Variants in FER observed in about 807,000 individuals in gnomAD.
FER encodes the protein tyrosine-protein kinase Fer.
A neutral mutation model predicts 111.0 loss-of-function variants in FER; 63 were observed. That is an observed-to-expected ratio of 0.57 (90% CI 0.46 to 0.70). The LOEUF (loss-of-function observed/expected upper bound fraction) is 0.70, where lower values mean the gene tolerates loss of function less well. Ranked by LOEUF, FER falls within the 30% of genes least tolerant of loss-of-function variation. The pLI, the probability that FER is intolerant of heterozygous loss-of-function variation, is 0.00. For missense variants in FER, 914 were observed against 954.0 expected (o/e 0.96, Z 0.55); for synonymous variants, 327 against 313.9 (o/e 1.04, Z -0.44).
intron 17 of FER, among the ~76,000 whole-genome samples, chr5:109,157,239 C>G: frequency 6.6e-6 from 1 of 152,082 alleles, no homozygotes. Context: ...TCTTTATTAC[C>G]TTCTGAGAGA....
At position 109,070,852 on chromosome 5, in the gene FER, A is replaced by C. The variant is rs1485217061; in HGVS notation, c.1924+23654A>C. Among the ~76,000 whole-genome samples the C allele has an allele frequency of 2.0e-5, 3 of 152,002 alleles. No homozygotes were observed. In the East Asian group the frequency reaches 5.8e-4, roughly 29 times the overall value. On this transcript the variant is annotated intron_variant, in intron 16 of 19. Coordinates refer to ENST00000281092, the MANE Select transcript of FER (RefSeq NM_005246.4). ...GAGGCAATTTGATTATAATTAATGC[A>C]GTCATTTTGTAATACAAACATGATT...
At chr5:108,870,661 A>G (rs1289467123) in intron 6 of FER, among the ~76,000 whole-genome samples, 1 of 152,142 alleles carries the variant, frequency 6.6e-6, no homozygotes, top group Non-Finnish European at 1.5e-5. Flanking sequence ...AAGAAAAACC[A>G]TGCTTTGTAT....
chr5:109,103,708 C>T (rs981382035), intron 17 of FER, among the ~76,000 whole-genome samples: 20 of 152,056 alleles, frequency 1.3e-4, no homozygotes, highest in African/African-American at 4.6e-4. Flanking sequence ...GTTTGAAATA[C>T]ACTGATAAAC....
At chr5:109,114,342 G>C (rs1022004761) in intron 17 of FER, among the ~76,000 whole-genome samples, 1 of 152,042 alleles carries the variant, frequency 6.6e-6, no homozygotes, top group Non-Finnish European at 1.5e-5. Flanking sequence ...TGTTTGAGTA[G>C]AAAGAAGTAA....
intron 14 of FER, among the ~76,000 whole-genome samples, chr5:109,041,727 A>G (rs1411893969): frequency 2.0e-5 from 3 of 152,222 alleles, no homozygotes; most frequent in Non-Finnish European, 4.4e-5. Context: ...CAAATTGCCA[A>G]TAAACAAAAT....
chr5:109,079,862 CCT>C (rs1339511905), intron 16 of FER, among the ~76,000 whole-genome samples: 1 of 152,098 alleles, frequency 6.6e-6, no homozygotes, highest in Admixed American at 6.6e-5. Context: ...CTCTCCTAAT[CCT>C]GACCCCATTT....
At chr5:108,799,831 GTTTTC>G (rs936931331) in intron 3 of FER, among the ~76,000 whole-genome samples, 2 of 146,198 alleles carry the variant, frequency 1.4e-5, no homozygotes, top group African/African-American at 2.5e-5. Flanking sequence ...TATCCCTCTT[GTTTTC>G]TTTTCTTTTC....
intron 10 of FER, among the ~76,000 whole-genome samples, chr5:108,933,085 C>T (rs1754926061): frequency 6.6e-6 from 1 of 152,122 alleles, no homozygotes; most frequent in African/African-American, 2.4e-5. Context: ...TGTGCAAAAG[C>T]TCCTTAGTTT....
chr5:109,160,323 C>T (rs1222197699), intron 17 of FER, among the ~76,000 whole-genome samples: 1 of 152,126 alleles, frequency 6.6e-6, no homozygotes, highest in African/African-American at 2.4e-5. Context: ...TCCTGTCCAC[C>T]AGGAAACCTT....
chr5:109,147,806 G>T lies in FER; in HGVS notation c.2049-32941G>T, dbSNP rs951188786. Among the ~76,000 whole-genome samples, 883 of 125,018 alleles carry T rather than the reference G, an allele frequency of 7.1e-3. 4 individuals carry two copies. Among genetic ancestry groups the T allele is most frequent in the African/African-American group, 0.011 (397 of 37,300 alleles). 82.0% of individuals were successfully genotyped at this position (125,018 alleles called of 152,430 possible). A position where few individuals can be genotyped will look rare whatever the true frequency, so the allele number is the denominator to read the frequency against. On this transcript the variant is annotated intron_variant, in intron 17 of 19. Coordinates refer to ENST00000281092, the MANE Select transcript of FER (RefSeq NM_005246.4). ...ATATATATATATATATATATAGAGAGAGAGAGAGAGAGAGAGAGAGACAGA... is the reference window on the plus strand; with the variant it reads ...ATATATATATATATATATATAGAGATAGAGAGAGAGAGAGAGAGAGACAGA...
At chr5:108,971,970 C>A (rs1357724103) in intron 13 of FER, among the ~76,000 whole-genome samples, 1 of 151,812 alleles carries the variant, frequency 6.6e-6, no homozygotes. Context: ...TCCCTTTAGG[C>A]TTTGCACTTT....
intron 1 of FER, among the ~76,000 whole-genome samples, chr5:108,761,171 C>G (rs528836840): frequency 4.6e-5 from 7 of 152,056 alleles, no homozygotes; most frequent in Non-Finnish European, 1.0e-4. Context: ...CTCGTGGTCC[C>G]CCCACCTCGG....
intron 3 of FER, among the ~76,000 whole-genome samples, chr5:108,820,852 G>A (rs1758763108): frequency 6.6e-6 from 1 of 152,214 alleles, no homozygotes; most frequent in South Asian, 2.1e-4. Flanking sequence ...TAGGCCAGGT[G>A]CAGTGGCTCA....
chr5:109,077,258 T>C (rs1353204108), intron 16 of FER, among the ~76,000 whole-genome samples: 1 of 152,232 alleles, frequency 6.6e-6, no homozygotes, highest in African/African-American at 2.4e-5. Context: ...AGAAATCCTA[T>C]TTAGAGTACA....
chr5:108,833,796 C>T (rs1760306756), intron 4 of FER, among the ~76,000 whole-genome samples: 1 of 151,686 alleles, frequency 6.6e-6, no homozygotes, highest in Non-Finnish European at 1.5e-5. Context: ...ATGGCGTGAA[C>T]CTGGAAGGTG....
At chr5:109,107,176 C>T (rs1006699194) in intron 17 of FER, among the ~76,000 whole-genome samples, 3 of 152,142 alleles carry the variant, frequency 2.0e-5, no homozygotes, top group Non-Finnish European at 4.4e-5. Flanking sequence ...TCATTTCTGA[C>T]TTTTTTCCAG....
chr5:108,946,108 G>A (rs1258483939), intron 10 of FER, 22 bp from the exon 11 acceptor site: 23 of 1,566,924 alleles, frequency 1.5e-5, no homozygotes, highest in Non-Finnish European at 2.0e-5. Flanking sequence ...GTTGCTGAAG[G>A]CTTGTTTCTT....
intron 13 of FER, among the ~76,000 whole-genome samples, chr5:109,008,090 T>C (rs1197102462): frequency 6.6e-6 from 1 of 152,222 alleles, no homozygotes; most frequent in African/African-American, 2.4e-5. Flanking sequence ...GTGGGCACTT[T>C]TGACAACCAC....
At position 108,867,354 on chromosome 5, in the gene FER, C is replaced by G. The variant is rs956922080; in HGVS notation, c.482-413C>G. On this transcript the variant is annotated intron_variant, in intron 5 of 19. Transcript: ENST00000281092. Reference sequence around the variant, plus strand: ...GTTTGTCTTCTCCACAAAGCCTCCTCTGACTACCCTTGTCTTTGTTGATAT... The same window carrying G: ...GTTTGTCTTCTCCACAAAGCCTCCTGTGACTACCCTTGTCTTTGTTGATAT... 6.6e-5 allele frequency among the ~76,000 whole-genome samples: 10 copies of G among 152,146 alleles called. No individual in the cohort carries two copies. In the East Asian group the frequency reaches 1.9e-3, roughly 29 times the overall value.
Sources: allele counts gnomAD v4.1 joint callset (sites outside exome capture counted in the v4.1 genomes callset), GRCh38; gene constraint gnomAD v4.1.1; transcripts MANE v1.5; gene names NCBI Gene and HGNC (gene_info 2026-07-23, HGNC 2026-07-21).